The following DYNLRB1 variants were observed in gnomAD, a reference collection of about 807,000 sequenced individuals.
DYNLRB1 encodes the protein ROBL/LC7-like 1.
In DYNLRB1, 6 loss-of-function variants were observed where a neutral mutation model predicts 13.5. The ratio of observed to expected loss-of-function variants is 0.44; its 90% CI spans 0.24 to 0.88. DYNLRB1 has a LOEUF of 0.88. Among genes scored for constraint, DYNLRB1 ranks in the 40% least tolerant of loss-of-function variants. The pLI is 0.21. For missense variants in DYNLRB1, 93 were observed against 127.2 expected, an observed-to-expected ratio of 0.73 and a Z score of 1.29; for synonymous variants, 43 against 45.0, an observed-to-expected ratio of 0.96 and a Z score of 0.18.
At chr20:34,529,020 A>G (rs1980489644) in intron 2 of DYNLRB1, among the ~76,000 whole-genome samples, 1 of 152,078 alleles carries the variant, frequency 6.6e-6, no homozygotes, top group African/African-American at 2.4e-5. Flanking sequence ...TGAAGTGTGT[A>G]GGCCCTTCAG....
At chr20:34,530,937 C>T (rs1980669947) in intron 2 of DYNLRB1, 1 of 152,226 alleles carries the variant, frequency 6.6e-6, no homozygotes. Context: ...CCATCTGCCA[C>T]TGCCTTTTGA....
chr20:34,529,928 G>T, intron 2 of DYNLRB1: 1 of 1,469,146 alleles, frequency 6.8e-7, no homozygotes, highest in Non-Finnish European at 9.0e-7. Context: ...CAGTTGGGTG[G>T]CCTGAGGCAA....
At chr20:34,516,369 T>C, upstream of DYNLRB1, 1 of 1,574,148 alleles carries the variant, frequency 6.4e-7, no homozygotes, top group Non-Finnish European at 8.7e-7. Flanking sequence ...CAGCTAGAGC[T>C]GTCCGTTTTG....
At chr20:34,530,049 A>G in intron 2 of DYNLRB1, 6 of 1,250,578 alleles carry the variant, frequency 4.8e-6, no homozygotes, top group Non-Finnish European at 6.0e-6. Context: ...ACTAAGAGAG[A>G]AACTGTCTTC....
At position 34,516,949 on chromosome 20, in the gene DYNLRB1, C is replaced by T. The variant is rs17091853; in HGVS notation, c.3+488C>T. 6.6e-3 allele frequency: 8,990 copies of T among 1,357,692 alleles called. 177 individuals are homozygous for T. The highest frequency in any genetic ancestry group is 0.057 in the African/African-American group (3,748 of 65,468). 84.1% of individuals were successfully genotyped at this position (1,357,692 alleles called of 1,614,324 possible). On this transcript the variant is annotated intron_variant, in intron 1 of 3. Coordinates refer to ENST00000357156, the MANE Select transcript of DYNLRB1 (RefSeq NM_014183.4). ...GCGCCCCGAGAAGCCAAGTGCTTTG[C>T]CCCAGGAAATAGTGGAGATGGATTT...
chr20:34,519,543 T>C (rs1430179807), intron 1 of DYNLRB1, among the ~76,000 whole-genome samples: 4 of 152,164 alleles, frequency 2.6e-5, no homozygotes, highest in Admixed American at 6.5e-5. Context: ...TTAAGATATA[T>C]ATGTATATAT....
chr20:34,528,544 A>C (rs1980441706), intron 2 of DYNLRB1, among the ~76,000 whole-genome samples: 1 of 152,196 alleles, frequency 6.6e-6, no homozygotes, highest in Non-Finnish European at 1.5e-5. Flanking sequence ...TGAACCAACC[A>C]CAGTGGGTGT....
chr20:34,516,394 G>A (rs1263817784), upstream of DYNLRB1: 3 of 1,597,570 alleles, frequency 1.9e-6, no homozygotes, highest in Non-Finnish European at 2.6e-6. Context: ...AAACCTTTGC[G>A]CAGGCGCAGA....
Position 34,540,890 on chromosome 20 carries a change from AC to A in DYNLRB1, c.*268del, listed in dbSNP as rs1981538989. The A allele has an allele frequency of 2.9e-5, 13 of 441,774 alleles. No individual in the cohort carries two copies. Among genetic ancestry groups the A allele is most frequent in the African/African-American group, 1.6e-4 (8 of 48,990 alleles). 27.4% of individuals were successfully genotyped at this position (441,774 alleles called of 1,614,324 possible). ...GAAGCCCGCACCCAGCTTCCTTCTG[AC>A]CTTCAGTTCACTTTGTCGCCCTTGG... On this transcript the variant is annotated 3_prime_UTR_variant, in exon 4 of 4. Coordinates refer to ENST00000357156, the MANE Select transcript of DYNLRB1 (RefSeq NM_014183.4).
chr20:34,531,491 G>C (rs117927603), intron 2 of DYNLRB1, among the ~76,000 whole-genome samples: 251 of 152,306 alleles, frequency 1.6e-3, no homozygotes, highest in Non-Finnish European at 3.0e-3. Context: ...CCTTGGCCCT[G>C]TACTTCCACG....
At chr20:34,530,177 G>C (rs1980604000) in intron 2 of DYNLRB1, 1 of 1,175,792 alleles carries the variant, frequency 8.5e-7, no homozygotes, top group African/African-American at 1.6e-5. Context: ...CCTTAAAACT[G>C]CCCCTAAAGC....
chr20:34,534,914 A>G lies in DYNLRB1; in HGVS notation c.247+119A>G, dbSNP rs1981021837. On this transcript the variant is annotated intron_variant, in intron 3 of 3. Transcript: ENST00000357156. ...GATCCAAGCAGGGCCCGAGGAGTTG[A>G]AGGAATTGGGTTGTTGCCTCACTGC... 7.7e-6 allele frequency: 12 copies of G among 1,553,512 alleles called. No homozygotes were observed. The East Asian group carries it at 2.8e-4, about 37-fold the overall frequency.
intron 3 of DYNLRB1, among the ~76,000 whole-genome samples, chr20:34,536,744 C>CAAAAA (rs560286767): frequency 7.2e-5 from 4 of 55,904 alleles, no homozygotes; most frequent in African/African-American, 2.6e-4. Flanking sequence ...GACTCTGTCT[C>CAAAAA]AAAAAAAAAA....
chr20:34,518,507 CTTTTT>C (rs760673386), intron 1 of DYNLRB1, among the ~76,000 whole-genome samples: 7 of 145,106 alleles, frequency 4.8e-5, no homozygotes, highest in Non-Finnish European at 9.1e-5. Flanking sequence ...TTGTTAGTTT[CTTTTT>C]TTTTTTTTCT....
chr20:34,527,522 A>T (rs950077950), intron 2 of DYNLRB1, among the ~76,000 whole-genome samples: 21 of 152,230 alleles, frequency 1.4e-4, no homozygotes, highest in African/African-American at 4.6e-4. Flanking sequence ...GGTTGGGAGC[A>T]TCCACATGCT....
At position 34,520,998 on chromosome 20, in the gene DYNLRB1, C is replaced by G. The variant is rs114508698; in HGVS notation, c.3+4537C>G. ...AATGCCAGCATTTAAAAATAAACCT[C>G]AGCATTGCTATAATTTTTCATTTCT... On this transcript the variant is annotated intron_variant, in intron 1 of 3. Coordinates refer to ENST00000357156, the MANE Select transcript of DYNLRB1 (RefSeq NM_014183.4). 7.9e-3 allele frequency among the ~76,000 whole-genome samples: 1,199 copies of G among 152,188 alleles called. 15 individuals carry two copies. Among genetic ancestry groups the G allele is most frequent in the African/African-American group, 0.027 (1,141 of 41,532 alleles).
intron 2 of DYNLRB1, chr20:34,531,348 T>C (rs527333764): frequency 3.9e-5 from 6 of 152,338 alleles, no homozygotes; most frequent in African/African-American, 1.4e-4. Flanking sequence ...GGCTACACAG[T>C]GTTCATTTGT....
At chr20:34,523,929 G>A (rs1600541827) in intron 1 of DYNLRB1, among the ~76,000 whole-genome samples, 2 of 152,022 alleles carry the variant, frequency 1.3e-5, no homozygotes, top group African/African-American at 4.8e-5. Context: ...GGGCTGTTTT[G>A]GATTTAGATT....
chr20:34,538,206 G>A (rs990635560), intron 3 of DYNLRB1, among the ~76,000 whole-genome samples: 2 of 145,122 alleles, frequency 1.4e-5, no homozygotes, highest in Non-Finnish European at 3.0e-5. Flanking sequence ...AGGCTCAAGC[G>A]ATTCTCCCAC....
Sources: allele counts gnomAD v4.1 joint callset (sites outside exome capture counted in the v4.1 genomes callset), GRCh38; gene constraint gnomAD v4.1.1; transcripts MANE v1.5; gene names NCBI Gene and HGNC (gene_info 2026-07-23, HGNC 2026-07-21).